The following PCDHGA2 variants were observed in gnomAD, a reference collection of about 807,000 sequenced individuals.
PCDHGA2 encodes the protein protocadherin gamma subfamily A, 2, also known as protocadherin gamma-A2.
A neutral mutation model predicts 59.2 loss-of-function variants in PCDHGA2; 40 were observed. The observed-to-expected ratio is 0.68, with a 90% CI of 0.52 to 0.88. PCDHGA2 has a LOEUF of 0.88. Ranked by LOEUF, PCDHGA2 falls within the 40% of genes least tolerant of loss-of-function variation. The pLI, the probability that PCDHGA2 is intolerant of heterozygous loss-of-function variation, is 0.00. For missense variants in PCDHGA2, 1,226 were observed against 1,204.0 expected (o/e 1.02, Z -0.27); for synonymous variants, 560 against 526.0 (o/e 1.06, Z -0.89).
chr5:141,413,684 C>T, intron 1 of PCDHGA2: 1 of 1,613,838 alleles, frequency 6.2e-7, no homozygotes, highest in Non-Finnish European at 8.5e-7. Context: ...GGCGTGAACT[C>T]CCTGCAGAGC....
chr5:141,397,298 T>C (rs140040192), intron 1 of PCDHGA2, among the ~76,000 whole-genome samples: 13 of 152,318 alleles, frequency 8.5e-5, no homozygotes, highest in African/African-American at 2.9e-4. Context: ...AATGAATATT[T>C]CCTGAAGTAG....
intron 1 of PCDHGA2, chr5:141,365,860 C>T (rs1422476891): frequency 6.2e-7 from 1 of 1,614,082 alleles, no homozygotes; most frequent in African/African-American, 1.3e-5. Context: ...TTAACTCTGA[C>T]ACCGGTGTCC....
At chr5:141,475,803 G>T in intron 1 of PCDHGA2, 1 of 319,920 alleles carries the variant, frequency 3.1e-6, no homozygotes, top group Non-Finnish European at 5.7e-6. Flanking sequence ...GAAGCCAAAG[G>T]AAAGTGAAGT....
chr5:141,386,522 C>T (rs1561611649), intron 1 of PCDHGA2, among the ~76,000 whole-genome samples: 3 of 152,174 alleles, frequency 2.0e-5, no homozygotes, highest in African/African-American at 4.8e-5. Flanking sequence ...CAAAAAAAGA[C>T]TCTTTTTAGA....
chr5:141,476,318 G>T lies in PCDHGA2; in HGVS notation c.2425-18489G>T. 3 of 1,614,202 alleles carry T rather than the reference G, an allele frequency of 1.9e-6. No homozygotes were observed. The highest frequency in any genetic ancestry group is 2.5e-6 in the Non-Finnish European group (3 of 1,180,052). The stretch of plus-strand genomic sequence containing the variant: ...TAGCCTCTCAGCCCGCAGGTTCCGG[G>T]TGGTGTCTGGAGCTAGCCGAAGATT... On this transcript the variant is annotated intron_variant, in intron 1 of 3. Transcript: ENST00000394576. This position sits in a 1 kb window ranked among gnomAD's most constrained non-coding sequence, Gnocchi z 7.6.
intron 1 of PCDHGA2, among the ~76,000 whole-genome samples, chr5:141,373,124 C>T (rs933714666): frequency 6.6e-6 from 1 of 152,188 alleles, no homozygotes; most frequent in African/African-American, 2.4e-5. Flanking sequence ...GAATTAGACC[C>T]AAATCCTCAC....
intron 1 of PCDHGA2, among the ~76,000 whole-genome samples, chr5:141,483,658 G>C (rs906346163): frequency 1.4e-4 from 22 of 152,028 alleles, no homozygotes; most frequent in Non-Finnish European, 2.4e-4. Context: ...TTGTGTGTGT[G>C]TGTGTGTGTG....
At position 141,489,302 on chromosome 5, in the gene PCDHGA2, T is replaced by C. The variant is rs1258736404; in HGVS notation, c.2425-5505T>C. 2 of 1,586,886 alleles carry C rather than the reference T, an allele frequency of 1.3e-6. No homozygotes were observed. The highest frequency in any genetic ancestry group is 2.3e-5 in the South Asian group (2 of 85,378). ...TGGCAAGTGCTGTGCATGTTGTCCT[T>C]GTGCTGCTGGGGCTGGGTGTCTGGG... On this transcript the variant is annotated intron_variant, in intron 1 of 3. Transcript: ENST00000394576. The surrounding 1 kb of genome is among the most constrained non-coding windows in gnomAD (Gnocchi z 4.5).
At position 141,454,320 on chromosome 5, in the gene PCDHGA2, C is replaced by T. The variant is rs140074578; in HGVS notation, c.2425-40487C>T. ...CAGATATTTCAAAGCATTGAAACCTCCAAGAATAAATAAAATGTTGGAAGT... is the reference window on the plus strand; with the variant it reads ...CAGATATTTCAAAGCATTGAAACCTTCAAGAATAAATAAAATGTTGGAAGT... On this transcript the variant is annotated intron_variant, in intron 1 of 3. Coordinates refer to ENST00000394576, the MANE Select transcript of PCDHGA2 (RefSeq NM_018915.4). Among the ~76,000 whole-genome samples, 592 of 152,266 alleles carry T rather than the reference C, an allele frequency of 3.9e-3. 6 individuals are homozygous for T. Among genetic ancestry groups the T allele is most frequent in the Admixed American group, 0.011 (171 of 15,288 alleles).
rs758132181 is a variant in PCDHGA2, at chr5:141,486,827, C to T, written c.2425-7980C>T. On this transcript the variant is annotated intron_variant, in intron 1 of 3. Coordinates refer to ENST00000394576, the MANE Select transcript of PCDHGA2 (RefSeq NM_018915.4). This position sits in a 1 kb window ranked among gnomAD's most constrained non-coding sequence, Gnocchi z 5.0. The stretch of plus-strand genomic sequence containing the variant: ...ACCCCTTAGCAGCACTGTAACAGTT[C>T]GTCTATTTGTGCTGGACCTCAATGA... 10 of 1,614,110 alleles carry T rather than the reference C, an allele frequency of 6.2e-6. No individual in the cohort carries two copies. The African/African-American group carries it at 8.0e-5, about 13-fold the overall frequency.
rs1445379465 is a variant in PCDHGA2, at chr5:141,340,378, C to T, written c.1407C>T (p.Ala469=). 1 of 1,614,062 alleles carries T rather than the reference C, an allele frequency of 6.2e-7. No individual in the cohort carries two copies. Among genetic ancestry groups the T allele is most frequent in the Non-Finnish European group, 8.5e-7 (1 of 1,180,044 alleles). Residue 469 remains alanine, a synonymous_variant, in exon 1 of 4, where the codon GCC becomes GCT. Transcript: ENST00000394576. ...TTCCCGAAAACAACCCCAGAGGAGC[C>T]TCTGTCTTCTCAGTGACGGCCCATG... ...TYIPENNPRG[A]SVFSVTAHDP...
At chr5:141,452,527 G>A (rs1164238830) in intron 1 of PCDHGA2, among the ~76,000 whole-genome samples, 1 of 152,156 alleles carries the variant, frequency 6.6e-6, no homozygotes, top group Non-Finnish European at 1.5e-5. Flanking sequence ...TCAAAATCGT[G>A]AGTTCATATT....
chr5:141,509,839 T>C (rs1277859334), intron 3 of PCDHGA2, among the ~76,000 whole-genome samples: 4 of 152,162 alleles, frequency 2.6e-5, no homozygotes, highest in Non-Finnish European at 5.9e-5. Context: ...CTACCTCCCA[T>C]TCACTCAGAA....
intron 1 of PCDHGA2, chr5:141,393,405 C>T (rs777100284): frequency 1.2e-6 from 2 of 1,614,032 alleles, no homozygotes; most frequent in Non-Finnish European, 1.7e-6. Flanking sequence ...GGTGCTGGAG[C>T]GCGCCCTGGA....
intron 1 of PCDHGA2, among the ~76,000 whole-genome samples, chr5:141,368,592 A>T (rs1277512291): frequency 6.6e-6 from 1 of 152,198 alleles, no homozygotes; most frequent in South Asian, 2.1e-4. Flanking sequence ...TGTTTGGGAA[A>T]AAAGTAAAGG....
chr5:141,357,547 G>C, intron 1 of PCDHGA2: 1 of 1,614,214 alleles, frequency 6.2e-7, no homozygotes, highest in Non-Finnish European at 8.5e-7. Flanking sequence ...CATCAGCCGG[G>C]AGAGTTGTGA....
intron 1 of PCDHGA2, among the ~76,000 whole-genome samples, chr5:141,488,348 C>G (rs1231687770): frequency 3.2e-4 from 49 of 152,106 alleles, no homozygotes; most frequent in Admixed American, 3.2e-3. Context: ...TAGAAACAGC[C>G]ACCCTGTGCA....
At chr5:141,383,126 C>A in intron 1 of PCDHGA2, 1 of 1,614,062 alleles carries the variant, frequency 6.2e-7, no homozygotes, top group East Asian at 2.2e-5. Context: ...CAGCTTTTCG[C>A]CCTGAACCAG....
At chr5:141,479,200 AAAGT>A (rs1430087636) in intron 1 of PCDHGA2, 5 of 152,466 alleles carry the variant, frequency 3.3e-5, no homozygotes, top group African/African-American at 1.2e-4. Flanking sequence ...AAAATACAGA[AAAGT>A]ATTTAAAAAA....
Sources: gnomAD v4.1 joint callset for allele counts (sites outside exome capture counted in the v4.1 genomes callset) on GRCh38, gnomAD v4.1.1 for gene constraint, Gnocchi (gnomAD v3.1) non-coding constraint, MANE v1.5 for transcripts, NCBI Gene and HGNC (gene_info 2026-07-23, HGNC 2026-07-21) for gene names.